Variants in MAP7 observed in about 807,000 individuals in gnomAD.
The protein encoded by MAP7 is microtubule associated protein 7, also known as ensconsin.
Under a neutral mutation model 94.8 loss-of-function variants are expected in MAP7, and 52 were observed. That is an observed-to-expected ratio of 0.55 (90% CI 0.44 to 0.69). The LOEUF (loss-of-function observed/expected upper bound fraction) is 0.69. MAP7 is among the 30% of genes least tolerant of loss of function. MAP7 has a pLI of 0.00. For missense variants in MAP7, 940 were observed against 964.6 expected (o/e 0.97, Z 0.34); for synonymous variants, 350 against 357.0 (o/e 0.98, Z 0.22).
chr6:136,484,119 G>A lies in MAP7; in HGVS notation c.68-62320C>T, dbSNP rs185683216. The stretch of plus-strand genomic sequence containing the variant: ...TGAGATTCTTATTCTTGGCTCACGC[G>A]AAGCCCTGAAATATCCATCTCAAGT... On this transcript the variant is annotated intron_variant, in intron 1 of 17. Transcript: ENST00000354570. 1.5e-4 allele frequency among the ~76,000 whole-genome samples: 23 copies of A among 152,238 alleles called. 1 individual carries two copies. Among genetic ancestry groups the A allele is most frequent in the South Asian group, 1.0e-3 (5 of 4,822 alleles).
chr6:136,543,481 T>A (rs939399331), intron 1 of MAP7, among the ~76,000 whole-genome samples: 1 of 152,082 alleles, frequency 6.6e-6, no homozygotes, highest in Non-Finnish European at 1.5e-5. Context: ...AGAAACCCCA[T>A]CTCTACTAAA....
At chr6:136,548,898 T>C (rs2129063929) in intron 1 of MAP7, among the ~76,000 whole-genome samples, 1 of 152,312 alleles carries the variant, frequency 6.6e-6, no homozygotes, top group South Asian at 2.1e-4. Context: ...GGGAGCCCCG[T>C]CCCAGCGTCT....
chr6:136,547,038 T>C (rs1829790739), intron 1 of MAP7, among the ~76,000 whole-genome samples: 1 of 152,188 alleles, frequency 6.6e-6, no homozygotes, highest in African/African-American at 2.4e-5. Flanking sequence ...GAATGAAGCA[T>C]CTCTTTCAAA....
chr6:136,476,318 A>G (rs1382824649), intron 1 of MAP7, among the ~76,000 whole-genome samples: 1 of 152,172 alleles, frequency 6.6e-6, no homozygotes, highest in East Asian at 1.9e-4. Context: ...CTCCAGCCAC[A>G]TGTGCCTATT....
chr6:136,397,622 C>G (rs572153989), intron 3 of MAP7, among the ~76,000 whole-genome samples: 3 of 151,846 alleles, frequency 2.0e-5, no homozygotes, highest in Admixed American at 6.6e-5. Flanking sequence ...GCACCCTAAC[C>G]TAACAGATTC....
intron 15 of MAP7, among the ~76,000 whole-genome samples, chr6:136,357,050 G>A (rs569238352): frequency 6.6e-6 from 1 of 152,130 alleles, no homozygotes; most frequent in Non-Finnish European, 1.5e-5. Context: ...ATGTTGGAAG[G>A]GCAAAGTATT....
At position 136,397,724 on chromosome 6, in the gene MAP7, C is replaced by T. The variant is rs58041511; in HGVS notation, c.245-8207G>A. Among the ~76,000 whole-genome samples, 1,375 of 152,258 alleles carry T rather than the reference C, an allele frequency of 9.0e-3. 20 individuals are homozygous for T. The highest frequency in any genetic ancestry group is 0.039 in the East Asian group (203 of 5,186). ...TGAACTTGATCTTGGACTGCACGGC[C>T]TCCAGAGCTGTGAGAAAATAAATTT... On this transcript the variant is annotated intron_variant, in intron 3 of 17. Coordinates refer to ENST00000354570, the MANE Select transcript of MAP7 (RefSeq NM_003980.6).
chr6:136,515,507 A>T (rs1240826402), intron 1 of MAP7, among the ~76,000 whole-genome samples: 1 of 152,158 alleles, frequency 6.6e-6, no homozygotes, highest in East Asian at 1.9e-4. Flanking sequence ...CTAGCTTTTG[A>T]TTTAAAGTGA....
At chr6:136,417,627 C>T (rs1789912218) in intron 2 of MAP7, among the ~76,000 whole-genome samples, 1 of 152,138 alleles carries the variant, frequency 6.6e-6, no homozygotes, top group Admixed American at 6.6e-5. Flanking sequence ...AGTTATTATG[C>T]CTCTTTTTCA....
Position 136,539,558 on chromosome 6 carries a change from T to A in MAP7, c.67+10784A>T, listed in dbSNP as rs78397702. Among the ~76,000 whole-genome samples the A allele has an allele frequency of 6.8e-3, 1,043 of 152,276 alleles. 10 individuals carry two copies. Among genetic ancestry groups the A allele is most frequent in the African/African-American group, 0.024 (999 of 41,546 alleles). On this transcript the variant is annotated intron_variant, in intron 1 of 17. Transcript: ENST00000354570. Reference sequence around the variant, plus strand: ...TTGCCTTGGACTTCATAGTTAGACATATGCTAGCTGCAAAGAGGAGAAAAG... The same window carrying A: ...TTGCCTTGGACTTCATAGTTAGACAAATGCTAGCTGCAAAGAGGAGAAAAG...
intron 12 of MAP7, 78 bp downstream of exon 12, chr6:136,360,927 A>T: frequency 6.5e-7 from 1 of 1,547,104 alleles, no homozygotes; most frequent in Non-Finnish European, 8.7e-7. Flanking sequence ...CCAGCAGTCC[A>T]GTCCGCACCC....
At chr6:136,517,851 T>C (rs1400416965) in intron 1 of MAP7, among the ~76,000 whole-genome samples, 2 of 152,188 alleles carry the variant, frequency 1.3e-5, no homozygotes, top group Non-Finnish European at 2.9e-5. Flanking sequence ...TAAGGGCTGG[T>C]TCTGAATTTC....
At position 136,379,710 on chromosome 6, in the gene MAP7, T is replaced by C. The variant is rs370991386; in HGVS notation, c.638-1842A>G. On this transcript the variant is annotated intron_variant, in intron 6 of 17. Transcript: ENST00000354570. Reference sequence around the variant, plus strand: ...CAGAGATGGGTTGTCATGGAAAAGATAAGTCTCCTTTCTCCATTAAGAAGT... The same window carrying C: ...CAGAGATGGGTTGTCATGGAAAAGACAAGTCTCCTTTCTCCATTAAGAAGT... 5.9e-5 allele frequency among the ~76,000 whole-genome samples: 9 copies of C among 152,374 alleles called. No homozygotes were observed. In the East Asian group the frequency reaches 1.7e-3, roughly 29 times the overall value.
chr6:136,398,535 T>C (rs541128899), intron 3 of MAP7, among the ~76,000 whole-genome samples: 8 of 152,302 alleles, frequency 5.3e-5, no homozygotes, highest in African/African-American at 1.9e-4. Context: ...AGGGACCCCG[T>C]GGGACATAAT....
chr6:136,537,558 T>C (rs1828982489), intron 1 of MAP7, among the ~76,000 whole-genome samples: 1 of 152,224 alleles, frequency 6.6e-6, no homozygotes, highest in African/African-American at 2.4e-5. Context: ...GATGGGTTTA[T>C]TCCTAGTGTT....
intron 1 of MAP7, among the ~76,000 whole-genome samples, chr6:136,474,952 G>C (rs779604227): frequency 2.6e-5 from 4 of 152,130 alleles, no homozygotes; most frequent in Non-Finnish European, 5.9e-5. Flanking sequence ...CTGACCTCAA[G>C]TGATCTGCCC....
chr6:136,388,275 GTTGT>G, intron 5 of MAP7, 114 bp downstream of exon 5: 1 of 754,596 alleles, frequency 1.3e-6, no homozygotes, highest in South Asian at 1.8e-5. Context: ...TCATTTCATT[GTTGT>G]TTAATTATTT....
At chr6:136,360,946 T>TGGGCTGGGGCGTCTCCCTGCG (rs1467887483) in intron 12 of MAP7, 59 bp downstream of exon 12, 1 of 1,548,144 alleles carries the variant, frequency 6.5e-7, no homozygotes, top group Non-Finnish European at 8.7e-7. Flanking sequence ...CCTCCTCTGC[T>TGGGCTGGGGCGTCTCCCTGCG]GGGCTGGGGC....
chr6:136,521,894 C>T (rs930879473), intron 1 of MAP7, among the ~76,000 whole-genome samples: 4 of 152,194 alleles, frequency 2.6e-5, no homozygotes, highest in Non-Finnish European at 4.4e-5. Context: ...CACTCTCATC[C>T]TCTCCCTTTC....
Sources: gnomAD v4.1 joint callset for allele counts (sites outside exome capture counted in the v4.1 genomes callset) on GRCh38, gnomAD v4.1.1 for gene constraint, MANE v1.5 for transcripts, NCBI Gene and HGNC (gene_info 2026-07-23, HGNC 2026-07-21) for gene names.